CEACAM1: variants seen among roughly 807,000 people sequenced by gnomAD.
The protein encoded by CEACAM1 is CEA cell adhesion molecule 1.
A neutral mutation model predicts 49.1 loss-of-function variants in CEACAM1; 31 were observed. That is an observed-to-expected ratio of 0.63 (90% CI 0.47 to 0.85). The LOEUF (loss-of-function observed/expected upper bound fraction) is 0.85, where lower values mean the gene tolerates loss of function less well. Among genes scored for constraint, CEACAM1 ranks in the 40% least tolerant of loss-of-function variants. CEACAM1 has a pLI of 0.00. For missense variants in CEACAM1, 570 were observed against 645.3 expected, an observed-to-expected ratio of 0.88 and a Z score of 1.26; for synonymous variants, 244 against 247.8, an observed-to-expected ratio of 0.98 and a Z score of 0.14.
At chr19:42,519,523 C>T in intron 4 of CEACAM1, 1 of 351,398 alleles carries the variant, frequency 2.8e-6, no homozygotes, top group Non-Finnish European at 5.2e-6. Context: ...CTTCTCAGCG[C>T]ACAGACCGAG....
chr19:42,511,042 T>G (rs2041444515), intron 7 of CEACAM1, 122 bp from the exon 8 acceptor site: 8 of 870,410 alleles, frequency 9.2e-6, no homozygotes, highest in Middle Eastern at 2.2e-4. Flanking sequence ...GGAATTTACT[T>G]CCCTCAGAGT....
intron 8 of CEACAM1, among the ~76,000 whole-genome samples, chr19:42,509,579 C>T (rs778284307): frequency 1.3e-5 from 2 of 151,618 alleles, no homozygotes; most frequent in African/African-American, 2.4e-5. Context: ...TAATCTGGAG[C>T]ATTAGAAGTC....
chr19:42,517,253 ACATTGAATTTGG>A (rs1482266244), intron 5 of CEACAM1, among the ~76,000 whole-genome samples: 1 of 152,252 alleles, frequency 6.6e-6, no homozygotes, highest in African/African-American at 2.4e-5. Context: ...AAACTTTGGA[ACATTGAATTTGG>A]CAATGATTTC....
intron 5 of CEACAM1, 70 bp from the exon 6 acceptor site, chr19:42,512,549 T>A: frequency 6.9e-7 from 1 of 1,448,876 alleles, no homozygotes; most frequent in Non-Finnish European, 9.6e-7. Flanking sequence ...GGGAAACAAC[T>A]CTCAGAATGA....
intron 5 of CEACAM1, among the ~76,000 whole-genome samples, chr19:42,514,137 T>C (rs1415417031): frequency 6.8e-6 from 1 of 147,836 alleles, no homozygotes; most frequent in Non-Finnish European, 1.5e-5. Flanking sequence ...TTTCTTTCTT[T>C]TTTTTTTTTT....
At chr19:42,522,846 A>G (rs1042008547) in intron 2 of CEACAM1, among the ~76,000 whole-genome samples, 15 of 152,216 alleles carry the variant, frequency 9.9e-5, no homozygotes, top group East Asian at 7.7e-4. Context: ...GCATTTTTCA[A>G]TCAGAGTTGG....
chr19:42,523,315 A>C (rs2041806158), intron 2 of CEACAM1, among the ~76,000 whole-genome samples: 1 of 152,218 alleles, frequency 6.6e-6, no homozygotes, highest in African/African-American at 2.4e-5. Flanking sequence ...AACAGGGGAC[A>C]CCAGGGGCAA....
chr19:42,525,385 C>T (rs371568574), intron 2 of CEACAM1, among the ~76,000 whole-genome samples: 11 of 151,192 alleles, frequency 7.3e-5, no homozygotes, highest in African/African-American at 2.0e-4. Context: ...CCACCATGCC[C>T]GACTAATTTT....
chr19:42,528,213 GCCCTCTGTC>G, intron 1 of CEACAM1, 89 bp downstream of exon 1: 1 of 1,009,718 alleles, frequency 9.9e-7, no homozygotes, highest in Non-Finnish European at 1.5e-6. Context: ...TCCAAGAGAA[GCCCTCTGTC>G]CCCTCTTAGA....
rs139751234 is a variant in CEACAM1 at position 42,527,041 on chromosome 19, G to C, written c.424C>G (p.Pro142Ala). 1.3e-6 allele frequency: 2 copies of C among 1,592,332 alleles called. No homozygotes were observed. The highest frequency in any genetic ancestry group is 3.5e-5 in the Admixed American group (2 of 57,846). Reference sequence around the variant, plus strand: ...CCAGAGGTCATGGGGAAATACTCACGGTATACATGGAACTGTCCAGTTGCT... The same window carrying C: ...CCAGAGGTCATGGGGAAATACTCACCGTATACATGGAACTGTCCAGTTGCT... Reference protein sequence around the residue: ...EEATGQFHVYPELPKPSISSN... With the variant: ...EEATGQFHVYAELPKPSISSN... The change falls in exon 2 of 9, where the codon CCG becomes GCG. Residue 142 changes from proline to alanine, a missense_variant and splice_region_variant. By Grantham distance (27) the Pro-to-Ala change is conservative. Transcript: ENST00000161559.
chr19:42,521,105 A>C, intron 4 of CEACAM1, 162 bp downstream of exon 4: 1 of 758,344 alleles, frequency 1.3e-6, no homozygotes, highest in Non-Finnish European at 2.2e-6. Context: ...AACAAAGGGA[A>C]GAGAGTCTGC....
intron 5 of CEACAM1, among the ~76,000 whole-genome samples, chr19:42,514,361 C>T (rs1203589789): frequency 2.0e-5 from 3 of 152,052 alleles, no homozygotes; most frequent in Non-Finnish European, 2.9e-5. Context: ...GAACTCCCGA[C>T]CTCAGGTGAC....
chr19:42,521,938 G>GTGAC lies in CEACAM1; in HGVS notation c.685_688dup (p.Thr230SerfsTer36). 1 of 1,614,240 alleles carries GTGAC rather than the reference G, an allele frequency of 6.2e-7. No individual in the cohort carries two copies. The highest frequency in any genetic ancestry group is 8.5e-7 in the Non-Finnish European group (1 of 1,180,048). On this transcript the variant is annotated frameshift_variant, in exon 3 of 9. Coordinates refer to ENST00000161559, the MANE Select transcript of CEACAM1 (RefSeq NM_001712.5). LOFTEE classifies it high-confidence loss of function. ...AAGATACTCACAGGTGACATTCAAG[G>GTGAC]TGACTGGGTCACTGCGGTTCGCACT...
Position 42,522,070 on chromosome 19 carries a change from G to T in CEACAM1, c.557C>A (p.Pro186Gln), listed in dbSNP as rs144709978. The stretch of plus-strand genomic sequence containing the variant: ...GGACAGCTGCAGCCTGGGACTGACC[G>T]GGAGGCTCTGATTGTTTATCCACCA... ...YLWWINNQSL[P>Q]VSPRLQLSNG... is the part of the protein sequence containing the mutation. Residue 186 changes from proline to glutamine, a missense_variant, in exon 3 of 9, where the codon CCG (proline) becomes CAG (glutamine). Transcript: ENST00000161559. 1.4e-3 allele frequency: 2,184 copies of T among 1,614,162 alleles called. 2 individuals are homozygous for T. The highest frequency in any genetic ancestry group is 1.7e-3 in the Non-Finnish European group (2,044 of 1,180,008).
chr19:42,513,376 A>G (rs1359929397), intron 5 of CEACAM1, among the ~76,000 whole-genome samples: 1 of 152,092 alleles, frequency 6.6e-6, no homozygotes, highest in East Asian at 1.9e-4. Context: ...AGGCGGGTGG[A>G]TCACGAGGTC....
rs148191044 is a variant in CEACAM1 at position 42,528,341 on chromosome 19, G to A, written c.34C>T (p.Arg12Cys). ...GHLSAPLHRV[R>C]VPWQGLLLTA... ...AGCAGAAGCCCCTGCCAGGGTACAC[G>A]CACTCTGTGAAGTGGGGCTGAGAGG... Residue 12 changes from arginine to cysteine, a missense_variant, in exon 1 of 9, where the codon CGT (arginine) becomes TGT (cysteine). Arg to Cys is a radical substitution (Grantham distance 180). Transcript: ENST00000161559. 125 of 1,613,878 alleles carry A rather than the reference G, an allele frequency of 7.7e-5. 1 individual carries two copies. In the African/African-American group the frequency reaches 1.0e-3, roughly 13 times the overall value.
At chr19:42,522,539 C>T (rs1188694751) in intron 2 of CEACAM1, among the ~76,000 whole-genome samples, 2 of 150,956 alleles carry the variant, frequency 1.3e-5, no homozygotes, top group Non-Finnish European at 1.5e-5. Flanking sequence ...CCTGAGCCAC[C>T]GTGCCTGGCT....
rs904476367 is a variant in CEACAM1, at chr19:42,508,094, T to C, written c.*1015A>G. 3 of 152,246 alleles carry C rather than the reference T, an allele frequency of 2.0e-5. No individual in the cohort carries two copies. Among genetic ancestry groups the C allele is most frequent in the Non-Finnish European group, 2.9e-5 (2 of 68,040 alleles). The allele number at this position is 152,246 out of a possible 1,614,324, so 9.4% of individuals were successfully genotyped here. ...AGGGATTTCGGTGGTTTCTTTCACC[T>C]AAGGCAATCGGATTGGCTGACATAG... On this transcript the variant is annotated 3_prime_UTR_variant, in exon 9 of 9. Transcript: ENST00000161559.
intron 1 of CEACAM1, chr19:42,527,618 A>G (rs1361935357): frequency 4.9e-6 from 3 of 611,662 alleles, no homozygotes; most frequent in Non-Finnish European, 7.8e-6. Context: ...TTTCTCTGGA[A>G]TGCCCTTCCC....
Sources: allele counts gnomAD v4.1 joint callset (sites outside exome capture counted in the v4.1 genomes callset), GRCh38; gene constraint gnomAD v4.1.1; transcripts MANE v1.5; gene names NCBI Gene and HGNC (gene_info 2026-07-23, HGNC 2026-07-21).